Variants in KCNQ2 observed in about 807,000 individuals in gnomAD.
KCNQ2 encodes the protein potassium voltage-gated channel subfamily KQT member 2.
Under a neutral mutation model 84.8 loss-of-function variants are expected in KCNQ2, and 14 were observed. The ratio of observed to expected loss-of-function variants is 0.17; its 90% confidence interval spans 0.11 to 0.26. The LOEUF is 0.26. KCNQ2 is among the 10% of genes least tolerant of loss of function. KCNQ2 has a pLI of 1.00. For synonymous variants in KCNQ2, 599 were observed against 554.1 expected (o/e 1.08, Z -1.14); for missense variants, 788 against 1,254.0 (o/e 0.63, Z 5.61).
intron 1 of KCNQ2, chr20:63,466,511 C>A (rs879688394): frequency 6.6e-6 from 1 of 152,266 alleles, no homozygotes; most frequent in African/African-American, 2.4e-5. Flanking sequence ...CTGGCCTCCA[C>A]GCTCCGTCCG....
intron 1 of KCNQ2, among the ~76,000 whole-genome samples, chr20:63,457,067 C>G (rs1234565455): frequency 6.6e-6 from 1 of 152,248 alleles, no homozygotes; most frequent in South Asian, 2.1e-4. Context: ...GTTTCCAGGA[C>G]ACACGCCACC....
chr20:63,440,355 G>T (rs2081122243), intron 5 of KCNQ2, among the ~76,000 whole-genome samples: 1 of 152,180 alleles, frequency 6.6e-6, no homozygotes, highest in African/African-American at 2.4e-5. Flanking sequence ...GCGAAGGACG[G>T]ACACGTCTCC....
At chr20:63,445,201 C>A in intron 3 of KCNQ2, 37 bp downstream of exon 3, 1 of 1,613,688 alleles carries the variant, frequency 6.2e-7, no homozygotes, top group Non-Finnish European at 8.5e-7. Flanking sequence ...GGGTGCCTGG[C>A]CCTGATTCTA....
Position 63,460,715 on chromosome 20 carries a change from A to G in KCNQ2, c.296+11453T>C, listed in dbSNP as rs557233126. On this transcript the variant is annotated intron_variant, in intron 1 of 16. Coordinates refer to ENST00000359125, the MANE Select transcript of KCNQ2 (RefSeq NM_172107.4). The surrounding 1 kb of genome is among the most constrained non-coding windows in gnomAD (Gnocchi z 5.4). ...CCTGGCCAGGGTGGCCTCATCACCTAATCACATTCAGGCAGACCCGGGGCC... is the reference window on the plus strand; with the variant it reads ...CCTGGCCAGGGTGGCCTCATCACCTGATCACATTCAGGCAGACCCGGGGCC... 2.2e-4 allele frequency among the ~76,000 whole-genome samples: 33 copies of G among 152,310 alleles called. No individual in the cohort carries two copies. Among genetic ancestry groups the G allele is most frequent in the African/African-American group, 7.9e-4 (33 of 41,578 alleles).
rs1568851254 is a variant in KCNQ2, at chr20:63,404,350, GGGGGGGGAGGAAAGA to G, written c.*2279_*2293del. 4.7e-5 allele frequency: 7 copies of G among 147,616 alleles called. No homozygotes were observed. Among genetic ancestry groups the G allele is most frequent in the African/African-American group, 1.8e-4 (7 of 38,146 alleles). The allele number at this position is 147,616 out of a possible 1,614,324, so 9.1% of individuals were successfully genotyped here. On this transcript the variant is annotated 3_prime_UTR_variant, in exon 17 of 17. Coordinates refer to ENST00000359125, the MANE Select transcript of KCNQ2 (RefSeq NM_172107.4). ...GAAAGAACAGGTGGGGCCACACCTTGGGGGGGGAGGAAAGAGCAGGTGGGGCCATACTGGTGGGGG... is the reference window on the plus strand; with the variant it reads ...GAAAGAACAGGTGGGGCCACACCTTGGCAGGTGGGGCCATACTGGTGGGGG...
chr20:63,439,962 C>G (rs982717215), intron 5 of KCNQ2, among the ~76,000 whole-genome samples: 1 of 152,242 alleles, frequency 6.6e-6, no homozygotes, highest in African/African-American at 2.4e-5. Context: ...CATCGAGAAC[C>G]AGAGGCCCAG....
In KCNQ2 at chr20:63,413,592, G is replaced by A. The variant is rs780783747; in HGVS notation, c.1632-11C>T. 5.6e-6 allele frequency: 9 copies of A among 1,610,890 alleles called. No homozygotes were observed. The South Asian group carries it at 7.7e-5, about 14-fold the overall frequency. Reference sequence around the variant, plus strand: ...AGGAACCGCATGACACTGCAGGGGGGTGGGTGGGGCTGTGAGCCCTGGGCC... The same window carrying A: ...AGGAACCGCATGACACTGCAGGGGGATGGGTGGGGCTGTGAGCCCTGGGCC... On this transcript the variant is annotated splice_polypyrimidine_tract_variant and intron_variant, in intron 14 of 16. Coordinates refer to ENST00000359125, the MANE Select transcript of KCNQ2 (RefSeq NM_172107.4).
At position 63,414,510 on chromosome 20, in the gene KCNQ2, G is replaced by T. The variant is rs562018163; in HGVS notation, c.1526-317C>A. On this transcript the variant is annotated intron_variant, in intron 13 of 16. Coordinates refer to ENST00000359125, the MANE Select transcript of KCNQ2 (RefSeq NM_172107.4). This position sits in a 1 kb window ranked among gnomAD's most constrained non-coding sequence, Gnocchi z 6.6. ...GGCGGAAGGTGCAGGCCTGACATCT[G>T]AGGCTCAGTGAAGGAAGCCAGACCC... 6.6e-6 allele frequency among the ~76,000 whole-genome samples: 1 copy of T among 152,258 alleles called. No homozygotes were observed. The highest frequency in any genetic ancestry group is 1.9e-4 in the East Asian group (1 of 5,154).
chr20:63,431,535 G>A (rs1043229055), intron 8 of KCNQ2, among the ~76,000 whole-genome samples, 166 bp from the exon 9 acceptor site: 1 of 152,242 alleles, frequency 6.6e-6, no homozygotes, highest in Middle Eastern at 3.4e-3. Context: ...GCTGAGAGAG[G>A]TCACTTTGCA....
chr20:63,417,055 T>C (rs2080320911), intron 12 of KCNQ2, among the ~76,000 whole-genome samples: 1 of 152,120 alleles, frequency 6.6e-6, no homozygotes. Context: ...CAGGAGCCGA[T>C]GGTACAGGCT....
intron 4 of KCNQ2, 66 bp from the exon 5 acceptor site, chr20:63,442,597 A>C (rs202117456): frequency 1.5e-4 from 222 of 1,451,342 alleles, no homozygotes; most frequent in East Asian, 6.5e-4. Context: ...ACCACCACCA[A>C]CACCACCACC....
intron 10 of KCNQ2, among the ~76,000 whole-genome samples, chr20:63,426,716 CCAA>C (rs752338330): frequency 1.8e-4 from 27 of 152,140 alleles, no homozygotes; most frequent in Non-Finnish European, 3.8e-4. Flanking sequence ...GTCTCTGCCA[CCAA>C]CAACACAAGG....
At position 63,433,822 on chromosome 20, in the gene KCNQ2, C is replaced by T. The variant is rs2080902223; in HGVS notation, c.1105G>A (p.Val369Met). 3 of 1,613,834 alleles carry T rather than the reference C, an allele frequency of 1.9e-6. No individual in the cohort carries two copies. Among genetic ancestry groups the T allele is most frequent in the South Asian group, 1.1e-5 (1 of 91,082 alleles). Reference protein sequence around the residue: ...TWQYYERTVTVPMYSSQTQTY... With the variant: ...TWQYYERTVTMPMYSSQTQTY... ...CGGCGGCGGTACCTGTACATGGGCACGGTGACCGTTCGCTCGTAGTACTGC... is the reference window on the plus strand; with the variant it reads ...CGGCGGCGGTACCTGTACATGGGCATGGTGACCGTTCGCTCGTAGTACTGC... The change falls in exon 8 of 17, where the codon GTG (valine) becomes ATG (methionine). Residue 369 changes from valine (V) to methionine (M), a missense_variant. This residue lies in a region of KCNQ2 where 202 missense variants were observed against 239.4 expected (regional missense o/e 0.84). Transcript: ENST00000359125.
intron 12 of KCNQ2, among the ~76,000 whole-genome samples, chr20:63,417,759 G>A (rs907957217): frequency 6.6e-5 from 10 of 152,226 alleles, no homozygotes; most frequent in Admixed American, 2.0e-4. Flanking sequence ...CAGCCCCGAC[G>A]TCTGCTTCCC....
At chr20:63,417,659 G>A (rs189907068) in intron 12 of KCNQ2, among the ~76,000 whole-genome samples, 15 of 152,370 alleles carry the variant, frequency 9.8e-5, no homozygotes, top group Admixed American at 5.2e-4. Flanking sequence ...CCACACAGAC[G>A]TGCGGGCCAG....
intron 9 of KCNQ2, among the ~76,000 whole-genome samples, chr20:63,429,957 G>A (rs998721410): frequency 2.0e-5 from 3 of 152,224 alleles, no homozygotes; most frequent in Admixed American, 6.5e-5. Flanking sequence ...TGTCCAAGTC[G>A]GGATGGAGCA....
chr20:63,449,830 C>G (rs1381314430), intron 1 of KCNQ2, among the ~76,000 whole-genome samples: 1 of 151,886 alleles, frequency 6.6e-6, no homozygotes, highest in Non-Finnish European at 1.5e-5. Flanking sequence ...CGGGCACAAA[C>G]CCGGGGCCCC....
intron 5 of KCNQ2, among the ~76,000 whole-genome samples, chr20:63,440,841 G>A (rs372444317): frequency 2.0e-5 from 3 of 152,050 alleles, no homozygotes; most frequent in African/African-American, 7.2e-5. Flanking sequence ...CTCTGGGAAG[G>A]AGGCTGCCAC....
chr20:63,442,845 T>TCACCATCACCACCACCAC (rs2081236653), intron 4 of KCNQ2, among the ~76,000 whole-genome samples: 1 of 25,724 alleles, frequency 3.9e-5, no homozygotes, highest in African/African-American at 1.9e-4. Context: ...ACCACCACCA[T>TCACCATCACCACCACCAC]CACCATCACC....
Sources: gnomAD v4.1 joint callset for allele counts (sites outside exome capture counted in the v4.1 genomes callset) on GRCh38, gnomAD v4.1.1 for gene constraint, gnomAD v4.1.1 regional missense constraint, Gnocchi (gnomAD v3.1) non-coding constraint, MANE v1.5 for transcripts, NCBI Gene and HGNC (gene_info 2026-07-23, HGNC 2026-07-21) for gene names.